Variants in CHL1 observed in about 807,000 individuals in gnomAD.
CHL1 encodes the protein neural cell adhesion molecule L1-like protein.
In CHL1, 96 loss-of-function variants were observed where a neutral mutation model predicts 141.9. That is an observed-to-expected ratio of 0.68 (90% CI 0.57 to 0.80). The LOEUF (loss-of-function observed/expected upper bound fraction) is 0.80. CHL1 is among the 30% of genes least tolerant of loss of function. CHL1 has a pLI of 0.00. For missense variants in CHL1, 1,820 were observed against 1,457.2 expected, an observed-to-expected ratio of 1.25 and a Z score of -4.05; for synonymous variants, 613 against 502.2, an observed-to-expected ratio of 1.22 and a Z score of -2.95.
At position 389,235 on chromosome 3, in the gene CHL1, C is replaced by T; in HGVS notation, c.2248-17C>T. On this transcript the variant is annotated splice_polypyrimidine_tract_variant and intron_variant, in intron 19 of 27. Transcript: ENST00000256509. ...ACATCTGTGATCAGACTAAATGAGTCTTGCCTTCTGTTTTAGCCTTTGAAA... is the reference window on the plus strand; with the variant it reads ...ACATCTGTGATCAGACTAAATGAGTTTTGCCTTCTGTTTTAGCCTTTGAAA... 6.4e-7 allele frequency: 1 copy of T among 1,573,860 alleles called. No homozygotes were observed. The highest frequency in any genetic ancestry group is 8.6e-7 in the Non-Finnish European group (1 of 1,157,338).
Position 349,503 on chromosome 3 carries a change from C to A in CHL1, c.993C>A (p.Phe331Leu). 6.2e-7 allele frequency: 1 copy of A among 1,613,930 alleles called. No individual in the cohort carries two copies. The highest frequency in any genetic ancestry group is 8.5e-7 in the Non-Finnish European group (1 of 1,179,918). Residue 331 changes from phenylalanine (F) to leucine (L), a missense_variant, in exon 10 of 28, where the codon TTC becomes TTA. Physicochemically the swap from Phe to Leu is conservative, Grantham distance 22 (BLOSUM62 0). Coordinates refer to ENST00000256509, the MANE Select transcript of CHL1 (RefSeq NM_006614.4). ...ATTATCGCTGCACAGCCAGCAATTT[C>A]TTGGGAACAGCCACTCACGATTTTC... ...KGNYRCTASN[F>L]LGTATHDFHV...
intron 15 of CHL1, among the ~76,000 whole-genome samples, chr3:373,008 C>G (rs983587019): frequency 6.6e-6 from 1 of 152,144 alleles, no homozygotes; most frequent in East Asian, 1.9e-4. Flanking sequence ...CCTCAAAGGT[C>G]ACCAACCTGT....
chr3:325,247 G>A (rs1474662184), intron 3 of CHL1, among the ~76,000 whole-genome samples: 1 of 150,992 alleles, frequency 6.6e-6, no homozygotes, highest in African/African-American at 2.4e-5. Context: ...TTATTATTTT[G>A]AAATGTTAGC....
At chr3:337,550 T>C (rs572050119) in intron 5 of CHL1, among the ~76,000 whole-genome samples, 40 of 146,608 alleles carry the variant, frequency 2.7e-4, no homozygotes, top group Non-Finnish European at 4.5e-5. Context: ...CGGTGTGTGA[T>C]GTCCCCCTTC....
chr3:274,305 C>T (rs971963045), intron 2 of CHL1, among the ~76,000 whole-genome samples: 3 of 152,178 alleles, frequency 2.0e-5, no homozygotes, highest in Non-Finnish European at 2.9e-5. Context: ...ATTATACATG[C>T]ACACACAGTG....
chr3:307,095 G>T (rs529893738), intron 2 of CHL1, among the ~76,000 whole-genome samples: 78 of 152,194 alleles, frequency 5.1e-4, no homozygotes, highest in African/African-American at 1.8e-3. Flanking sequence ...CTTCATATTT[G>T]CATCCTGACC....
chr3:366,148 T>C (rs1447406871), intron 15 of CHL1, 33 bp downstream of exon 15: 2 of 1,593,546 alleles, frequency 1.3e-6, no homozygotes, highest in African/African-American at 2.7e-5. Flanking sequence ...TCATAATATT[T>C]GCTTGGGGTA....
intron 1 of CHL1, among the ~76,000 whole-genome samples, chr3:219,107 C>T (rs1430944012): frequency 1.3e-5 from 2 of 151,616 alleles, no homozygotes; most frequent in Non-Finnish European, 2.9e-5. Flanking sequence ...CGAGATCATG[C>T]CACTGCACTC....
At chr3:386,558 T>C (rs1707736124) in intron 19 of CHL1, among the ~76,000 whole-genome samples, 1 of 152,206 alleles carries the variant, frequency 6.6e-6, no homozygotes, top group African/African-American at 2.4e-5. Context: ...CTTGAGAGTT[T>C]CCATTGTTCT....
Position 382,607 on chromosome 3 carries a change from C to T in CHL1, c.2112C>T (p.Ala704=), listed in dbSNP as rs368860831. Residue 704 remains alanine, a synonymous_variant, in exon 18 of 28, where the codon GCC becomes GCT. Coordinates refer to ENST00000256509, the MANE Select transcript of CHL1 (RefSeq NM_006614.4). ...TGAGATACCAGTTCAGGGTCATAGC[C>T]GTGAACGAAGTAGGGAGAAGTCAGC... ...PFVRYQFRVI[A]VNEVGRSQPS... 7 of 1,613,714 alleles carry T rather than the reference C, an allele frequency of 4.3e-6. No homozygotes were observed. Among genetic ancestry groups the T allele is most frequent in the African/African-American group, 1.3e-5 (1 of 74,848 alleles).
chr3:245,469 A>G (rs1693077316), intron 2 of CHL1, among the ~76,000 whole-genome samples: 1 of 152,162 alleles, frequency 6.6e-6, no homozygotes, highest in African/African-American at 2.4e-5. Flanking sequence ...TTGGTTCAGT[A>G]AGTGCCAATA....
rs1413245071 is a variant in CHL1, at chr3:342,081, T to C, written c.678T>C (p.Ser226=). The C allele has an allele frequency of 1.2e-6, 2 of 1,603,990 alleles. No individual in the cohort carries two copies. Among genetic ancestry groups the C allele is most frequent in the Admixed American group, 1.7e-5 (1 of 59,582 alleles). ...TGCCAATGAAACTAACAGTTAACAG[T>C]TGTAAGTCCACATAATTTATCGTTT... is the stretch of plus-strand genomic sequence containing the variant. The part of the protein sequence containing the change: ...QKMPMKLTVN[S]LKHANDSSSS... The change falls in exon 7 of 28, where the codon AGT becomes AGC. Residue 226 remains serine, a splice_region_variant and synonymous_variant. Transcript: ENST00000256509.
chr3:335,873 T>C (rs9873156), intron 5 of CHL1, among the ~76,000 whole-genome samples: 137,312 of 152,186 alleles, frequency 0.9, 62,020 homozygotes, highest in East Asian at 0.99. Context: ...CCCTTTGGCC[T>C]ACCTTGTCTC....
chr3:197,715 G>C (rs563726350), intron 1 of CHL1: 101 of 440,704 alleles, frequency 2.3e-4, no homozygotes, highest in Non-Finnish European at 4.4e-4. Flanking sequence ...CGAAAACCCA[G>C]AGAGGGGCTA....
chr3:363,312 C>T lies in CHL1; in HGVS notation c.1514C>T (p.Ala505Val). ...ATCAACAGAACCACCGAAGAAGATG[C>T]TGGGTCTTACTCATGTTGGGTAGAA... is the stretch of plus-strand genomic sequence containing the variant. ...LQINRTTEED[A>V]GSYSCWVENA... The change falls in exon 14 of 28, where the codon GCT becomes GTT. Residue 505 changes from alanine to valine, a missense_variant. Ala to Val is a moderately conservative substitution (Grantham distance 64). Coordinates refer to ENST00000256509, the MANE Select transcript of CHL1 (RefSeq NM_006614.4). 1 of 1,613,676 alleles carries T rather than the reference C, an allele frequency of 6.2e-7. No individual in the cohort carries two copies.
intron 5 of CHL1, among the ~76,000 whole-genome samples, chr3:339,595 C>T (rs1041595970): frequency 3.9e-5 from 6 of 152,100 alleles, no homozygotes; most frequent in Admixed American, 1.3e-4. Context: ...ATAGCCACAC[C>T]GCCCCCTGCA....
chr3:368,146 G>C (rs1357602045), intron 15 of CHL1, among the ~76,000 whole-genome samples: 1 of 152,066 alleles, frequency 6.6e-6, no homozygotes, highest in Non-Finnish European at 1.5e-5. Flanking sequence ...TGGTATTTCT[G>C]GTTCTAGATC....
intron 3 of CHL1, among the ~76,000 whole-genome samples, chr3:321,094 C>T (rs758671445): frequency 6.6e-6 from 1 of 152,076 alleles, no homozygotes; most frequent in African/African-American, 2.4e-5. Flanking sequence ...AAACAACTCT[C>T]TGACTATCTA....
intron 2 of CHL1, among the ~76,000 whole-genome samples, chr3:317,701 G>T (rs1700250933): frequency 6.7e-6 from 1 of 150,040 alleles, no homozygotes; most frequent in African/African-American, 2.4e-5. Context: ...GCAGGGCATT[G>T]ATATTTTCCT....
Sources: allele counts gnomAD v4.1 joint callset (sites outside exome capture counted in the v4.1 genomes callset), GRCh38; gene constraint gnomAD v4.1.1; transcripts MANE v1.5; gene names NCBI Gene and HGNC (gene_info 2026-07-23, HGNC 2026-07-21).